PTGER3: variants seen among roughly 807,000 people sequenced by gnomAD.
PTGER3 encodes prostaglandin E receptor 3.
PTGER3 carries 22 observed loss-of-function variants against 34.7 expected under a neutral mutation model. The ratio of observed to expected loss-of-function variants is 0.63; its 90% CI spans 0.45 to 0.91. The LOEUF (loss-of-function observed/expected upper bound fraction) is 0.91, where lower values mean the gene tolerates loss of function less well. Ranked by LOEUF, PTGER3 falls within the 40% of genes least tolerant of loss-of-function variation. The probability of loss-of-function intolerance (pLI) is 0.00; values close to 1 mark genes in which losing one functional copy is unlikely to be tolerated. For missense variants in PTGER3, 468 were observed against 519.4 expected (o/e 0.90, Z 0.96); for synonymous variants, 241 against 230.1 (o/e 1.05, Z -0.43).
At chr1:71,025,825 A>G (rs182517485) in intron 1 of PTGER3, among the ~76,000 whole-genome samples, 9 of 152,314 alleles carry the variant, frequency 5.9e-5, no homozygotes, top group Admixed American at 3.9e-4. Context: ...TTGTGGGTTA[A>G]ACCCAGTTAA....
Position 71,011,672 on chromosome 1 carries a change from T to C in PTGER3, c.1077+633A>G, listed in dbSNP as rs1009848461. On this transcript the variant is annotated intron_variant, in intron 2 of 3. Coordinates refer to ENST00000306666, the MANE Select transcript of PTGER3 (RefSeq NM_198719.2). ...AACTTTGTTAGGTTAGGAGCTAATTTGCTGTATTGAGCAATATTTGAATAA... is the reference window on the plus strand; with the variant it reads ...AACTTTGTTAGGTTAGGAGCTAATTCGCTGTATTGAGCAATATTTGAATAA... The C allele has an allele frequency of 1.1e-5, 11 of 976,062 alleles. No individual in the cohort carries two copies. The African/African-American group carries it at 1.9e-4, about 17-fold the overall frequency. The allele number at this position is 976,062 out of a possible 1,614,324, so 60.5% of individuals were successfully genotyped here.
intron 4 of PTGER3, among the ~76,000 whole-genome samples, chr1:70,867,543 A>C (rs1646068775): frequency 6.6e-6 from 1 of 152,100 alleles, no homozygotes; most frequent in South Asian, 2.1e-4. Flanking sequence ...CAACATGGTG[A>C]AGCCCCATCT....
In PTGER3 at chr1:71,018,998, G is replaced by A. The variant is rs146051152; in HGVS notation, c.898-6514C>T. ...AGCATGCTACTGCCATTTCCAAATG[G>A]CAGCAGAGATGAAACTGGGGCTCCA... On this transcript the variant is annotated intron_variant, in intron 1 of 3. Coordinates refer to ENST00000306666, the MANE Select transcript of PTGER3 (RefSeq NM_198719.2). 3.8e-3 allele frequency among the ~76,000 whole-genome samples: 579 copies of A among 152,258 alleles called. 4 individuals carry two copies. The highest frequency in any genetic ancestry group is 0.013 in the African/African-American group (537 of 41,534).
chr1:70,868,849 A>G (rs187339681), intron 4 of PTGER3, among the ~76,000 whole-genome samples: 70 of 152,300 alleles, frequency 4.6e-4, no homozygotes, highest in Non-Finnish European at 8.1e-4. Context: ...ATACAATGCC[A>G]TAGTGGGAGG....
intron 4 of PTGER3, among the ~76,000 whole-genome samples, chr1:70,896,926 G>A (rs138279115): frequency 2.6e-4 from 39 of 152,204 alleles, no homozygotes; most frequent in African/African-American, 8.4e-4. Flanking sequence ...AAATGCGGAC[G>A]CTGGATTTCT....
At chr1:70,919,274 TTC>T (rs1647308424) in intron 4 of PTGER3, among the ~76,000 whole-genome samples, 2 of 152,152 alleles carry the variant, frequency 1.3e-5, no homozygotes, top group South Asian at 4.1e-4. Context: ...ATTTTGCCAG[TTC>T]TTTCCTTTCT....
At chr1:70,880,190 C>G (rs55947353) in intron 4 of PTGER3, among the ~76,000 whole-genome samples, 28,377 of 152,006 alleles carry the variant, frequency 0.19, 3,459 homozygotes, top group Admixed American at 0.34. Flanking sequence ...TGTCAACGAC[C>G]TATATGCTCA....
chr1:70,998,083 T>G (rs532789525), intron 2 of PTGER3, among the ~76,000 whole-genome samples: 1 of 152,372 alleles, frequency 6.6e-6, no homozygotes, highest in Non-Finnish European at 1.5e-5. Flanking sequence ...AGTCCGCCCT[T>G]CAGGGCATAT....
At chr1:70,968,172 T>C (rs1443065078), downstream of PTGER3, among the ~76,000 whole-genome samples, 1 of 152,162 alleles carries the variant, frequency 6.6e-6, no homozygotes, top group Non-Finnish European at 1.5e-5. Context: ...TGCAATACAA[T>C]GGGGGCTGGA....
At chr1:70,927,771 A>G (rs969556181) in intron 4 of PTGER3, among the ~76,000 whole-genome samples, 19 of 152,176 alleles carry the variant, frequency 1.2e-4, no homozygotes, top group Non-Finnish European at 2.4e-4. Context: ...AGAAGAGAAC[A>G]GGAAAATATG....
chr1:70,858,201 CTT>C (rs35355255), intron 4 of PTGER3, among the ~76,000 whole-genome samples: 64 of 134,064 alleles, frequency 4.8e-4, no homozygotes, highest in African/African-American at 9.8e-4. Flanking sequence ...AACACAGATT[CTT>C]TTTTTTTTTT....
At chr1:70,953,192 A>G (rs1650952764) in intron 3 of PTGER3, 1 of 759,114 alleles carries the variant, frequency 1.3e-6, no homozygotes, top group Non-Finnish European at 1.9e-6. Context: ...TAGGCATTAT[A>G]AATAATCCAG....
chr1:70,900,476 T>C (rs1445186196), intron 4 of PTGER3, among the ~76,000 whole-genome samples: 1 of 152,196 alleles, frequency 6.6e-6, no homozygotes, highest in Non-Finnish European at 1.5e-5. Flanking sequence ...CTAGAGACTA[T>C]TTCAGTATGC....
intron 4 of PTGER3, among the ~76,000 whole-genome samples, chr1:70,936,841 T>C (rs567137147): frequency 6.6e-6 from 1 of 152,188 alleles, no homozygotes; most frequent in Non-Finnish European, 1.5e-5. Context: ...AAAATTTCAT[T>C]ATTGCAGAGT....
At chr1:71,009,903 T>A (rs1657292387) in intron 2 of PTGER3, 1 of 985,228 alleles carries the variant, frequency 1.0e-6, no homozygotes, top group South Asian at 4.7e-5. Flanking sequence ...AAATCTAACC[T>A]CAACCATCAT....
intron 2 of PTGER3, among the ~76,000 whole-genome samples, chr1:70,999,458 A>G (rs1192328485): frequency 6.6e-6 from 1 of 152,206 alleles, no homozygotes; most frequent in Non-Finnish European, 1.5e-5. Context: ...AAACTCAGAA[A>G]CAGGGGGCAA....
chr1:70,962,601 G>A (rs573321621), intron 2 of PTGER3, among the ~76,000 whole-genome samples: 1 of 152,316 alleles, frequency 6.6e-6, no homozygotes, highest in African/African-American at 2.4e-5. Flanking sequence ...GGCCAAGAGA[G>A]TGTGTGCAAG....
intron 2 of PTGER3, among the ~76,000 whole-genome samples, chr1:71,005,681 A>C (rs774772698): frequency 2.4e-4 from 36 of 152,126 alleles, no homozygotes; most frequent in Non-Finnish European, 5.0e-4. Flanking sequence ...TCTCCATGAC[A>C]AACATCCATC....
In PTGER3 at chr1:70,876,281, G is replaced by T. The variant is rs541238340; in HGVS notation, c.*24-23422C>A. On this transcript the variant is annotated intron_variant, in intron 4 of 4. Transcript: ENST00000370931. ...CATGTCCATGCCTACTTTTTAATGG[G>T]TTTTTTTTTTTTTTGCTTATTAATG... 1.8e-3 allele frequency among the ~76,000 whole-genome samples: 239 copies of T among 132,244 alleles called. 2 individuals carry two copies. The highest frequency in any genetic ancestry group is 5.4e-3 in the African/African-American group (198 of 36,510). 86.8% of individuals were successfully genotyped at this position (132,244 alleles called of 152,430 possible).
Sources: gnomAD v4.1 joint callset for allele counts (sites outside exome capture counted in the v4.1 genomes callset) on GRCh38, gnomAD v4.1.1 for gene constraint, MANE v1.5 for transcripts, NCBI Gene and HGNC (gene_info 2026-07-23, HGNC 2026-07-21) for gene names.